The following UBE3A variants were observed in gnomAD, a reference collection of about 807,000 sequenced individuals.
UBE3A encodes ubiquitin-protein ligase E3A.
A neutral mutation model predicts 83.4 loss-of-function variants in UBE3A; 6 were observed. The ratio of observed to expected loss-of-function variants is 0.07; its 90% CI spans 0.04 to 0.14. UBE3A has a LOEUF of 0.14. UBE3A is among the 10% of genes least tolerant of loss of function. The probability of loss-of-function intolerance (pLI) is 1.00; values close to 1 mark genes in which losing one functional copy is unlikely to be tolerated. For missense variants in UBE3A, 456 were observed against 1,036.1 expected (o/e 0.44, Z 7.69); for synonymous variants, 337 against 355.4 (o/e 0.95, Z 0.58).
chr15:25,408,975 G>A (rs2089349783), intron 3 of UBE3A, 113 bp downstream of exon 3: 1 of 1,110,726 alleles, frequency 9.0e-7, no homozygotes, highest in Admixed American at 2.3e-5. Context: ...CAACTCTCAG[G>A]CCCACTATTC....
chr15:25,425,462 T>C (rs1311853114), intron 1 of UBE3A, among the ~76,000 whole-genome samples: 4 of 152,182 alleles, frequency 2.6e-5, no homozygotes, highest in African/African-American at 9.7e-5. Context: ...ATAAAGCTAT[T>C]AACAGTTTTG....
chr15:25,357,637 C>T (rs978891172), intron 7 of UBE3A: 1 of 152,156 alleles, frequency 6.6e-6, no homozygotes, highest in Non-Finnish European at 1.5e-5. Context: ...TGAGCCACCA[C>T]ACCTGGCCTA....
At chr15:25,375,260 T>C (rs1334150627) in intron 5 of UBE3A, 5 of 601,130 alleles carry the variant, frequency 8.3e-6, no homozygotes, top group East Asian at 5.9e-5. Flanking sequence ...AAATGAACTT[T>C]TGGCATATGA....
At chr15:25,431,007 T>G (rs1893290902) in intron 1 of UBE3A, among the ~76,000 whole-genome samples, 1 of 152,356 alleles carries the variant, frequency 6.6e-6, no homozygotes, top group South Asian at 2.1e-4. Flanking sequence ...TAAAGAAATA[T>G]GCATGATTTG....
At chr15:25,410,466 C>A (rs1185937661) in intron 2 of UBE3A, among the ~76,000 whole-genome samples, 2 of 152,104 alleles carry the variant, frequency 1.3e-5, no homozygotes, top group African/African-American at 4.8e-5. Context: ...CCTATCCAGG[C>A]CAAATCTGAG....
At chr15:25,368,389 A>C (rs929609104) in intron 6 of UBE3A, among the ~76,000 whole-genome samples, 8 of 152,036 alleles carry the variant, frequency 5.3e-5, no homozygotes, top group Non-Finnish European at 1.2e-4. Flanking sequence ...TATTTTTTTA[A>C]AAAAAAGAAA....
intron 4 of UBE3A, among the ~76,000 whole-genome samples, chr15:25,382,391 T>G (rs1294874396): frequency 1.4e-5 from 2 of 143,970 alleles, no homozygotes; most frequent in Non-Finnish European, 3.0e-5. Flanking sequence ...ATGCGTGATA[T>G]ATGATAAAAA....
chr15:25,352,486 G>C (rs2076648860), intron 11 of UBE3A, among the ~76,000 whole-genome samples: 1 of 152,184 alleles, frequency 6.6e-6, no homozygotes, highest in African/African-American at 2.4e-5. Flanking sequence ...GTAGTCAAGT[G>C]TGTAACAGCA....
intron 9 of UBE3A, 36 bp downstream of exon 9, chr15:25,355,856 T>C (rs759637167): frequency 3.8e-6 from 6 of 1,586,154 alleles, no homozygotes; most frequent in South Asian, 3.3e-5. Context: ...AAAGTGTTAA[T>C]GAAGAGACAA....
chr15:25,341,654 T>C (rs1245598439), intron 11 of UBE3A, among the ~76,000 whole-genome samples: 2 of 150,962 alleles, frequency 1.3e-5, no homozygotes, highest in South Asian at 2.1e-4. Context: ...TCTCAGCTAC[T>C]TGGGAGGCCA....
intron 1 of UBE3A, chr15:25,438,267 C>G (rs1196311585): frequency 6.6e-6 from 1 of 152,418 alleles, no homozygotes; most frequent in African/African-American, 2.4e-5. Context: ...AAAACCCTCC[C>G]GCCGTCGCTC....
chr15:25,377,364 G>A (rs2081386640), intron 4 of UBE3A, among the ~76,000 whole-genome samples: 1 of 152,040 alleles, frequency 6.6e-6, no homozygotes, highest in Admixed American at 6.6e-5. Context: ...AGAGAAAAAA[G>A]AAAACCCACA....
intron 4 of UBE3A, among the ~76,000 whole-genome samples, chr15:25,378,187 T>C (rs756827649): frequency 6.6e-6 from 1 of 152,166 alleles, no homozygotes; most frequent in Non-Finnish European, 1.5e-5. Flanking sequence ...ATAGATATTT[T>C]TAATGTGAGC....
intron 9 of UBE3A, 121 bp from the exon 10 acceptor site, chr15:25,354,804 A>C: frequency 1.0e-6 from 1 of 993,516 alleles, no homozygotes; most frequent in South Asian, 1.6e-5. Context: ...TATTCTTAAA[A>C]ATTCAATTTT....
intron 6 of UBE3A, among the ~76,000 whole-genome samples, chr15:25,365,318 T>C (rs953397142): frequency 5.9e-5 from 9 of 152,196 alleles, no homozygotes; most frequent in Non-Finnish European, 1.2e-4. Context: ...TAAAATCTTA[T>C]AGTTTTCTGA....
intron 1 of UBE3A, among the ~76,000 whole-genome samples, chr15:25,428,102 CAGA>C (rs1213474222): frequency 6.6e-6 from 1 of 151,894 alleles, no homozygotes; most frequent in East Asian, 1.9e-4. Flanking sequence ...AGGACAAAGG[CAGA>C]AGAACATAAC....
intron 4 of UBE3A, among the ~76,000 whole-genome samples, chr15:25,387,351 C>T (rs1416646108): frequency 6.6e-6 from 1 of 152,054 alleles, no homozygotes; most frequent in Non-Finnish European, 1.5e-5. Flanking sequence ...GAAACCCCGT[C>T]TCTACTAAAA....
In UBE3A at chr15:25,338,822, A is replaced by C. The variant is rs2074234223; in HGVS notation, c.*315T>G. Reference sequence around the variant, plus strand: ...CAAGCAAAAGTGATTTAACCCTTAAAATAAATATTCAGAAAAACCTCTCTG... The same window carrying C: ...CAAGCAAAAGTGATTTAACCCTTAACATAAATATTCAGAAAAACCTCTCTG... On this transcript the variant is annotated 3_prime_UTR_variant, in exon 13 of 13. Coordinates refer to ENST00000648336, the MANE Select transcript of UBE3A (RefSeq NM_130839.5). The C allele has an allele frequency of 6.3e-6, 1 of 157,632 alleles. No individual in the cohort carries two copies. Among genetic ancestry groups the C allele is most frequent in the African/African-American group, 2.4e-5 (1 of 41,600 alleles). 9.8% of individuals were successfully genotyped at this position (157,632 alleles called of 1,614,324 possible).
intron 1 of UBE3A, chr15:25,418,819 C>A (rs1425654261): frequency 6.6e-6 from 1 of 152,076 alleles, no homozygotes; most frequent in African/African-American, 2.4e-5. Context: ...CTCCTTGAAT[C>A]TGAGTGAAAT....
Sources: gnomAD v4.1 joint callset for allele counts (sites outside exome capture counted in the v4.1 genomes callset) on GRCh38, gnomAD v4.1.1 for gene constraint, MANE v1.5 for transcripts, NCBI Gene and HGNC (gene_info 2026-07-23, HGNC 2026-07-21) for gene names.